Variants in ZNF383 observed in about 807,000 individuals in gnomAD.
ZNF383 encodes zinc finger protein 383.
ZNF383 carries 32 observed loss-of-function variants against 44.2 expected under a neutral mutation model. That is an observed-to-expected ratio of 0.72 (90% confidence interval 0.55 to 0.97). The LOEUF (loss-of-function observed/expected upper bound fraction) is 0.97. ZNF383 is among the 50% of genes least tolerant of loss of function. ZNF383 has a pLI of 0.00. For synonymous variants in ZNF383, 155 were observed against 186.2 expected (o/e 0.83, Z 1.36); for missense variants, 487 against 562.5 (o/e 0.87, Z 1.36).
At chr19:37,229,805 T>A (rs868413845) in intron 2 of ZNF383, among the ~76,000 whole-genome samples, 8,823 of 103,308 alleles carry the variant, frequency 0.085, 498 homozygotes, top group African/African-American at 0.22. Context: ...TATATATATT[T>A]TTTTTTTTTT....
Position 37,242,504 on chromosome 19 carries a change from C to A in ZNF383, c.268C>A (p.Leu90Ile). The A allele has an allele frequency of 6.2e-7, 1 of 1,609,586 alleles. No individual in the cohort carries two copies. Among genetic ancestry groups the A allele is most frequent in the South Asian group, 1.1e-5 (1 of 90,194 alleles). Residue 90 changes from leucine to isoleucine, a missense_variant, in exon 6 of 6, where the codon CTA becomes ATA. Leu to Ile is a conservative substitution (Grantham distance 5, BLOSUM62 2). Transcript: ENST00000684119. ...GATGTGTGAAACCAAGTTATTATCT[C>A]TAAAGAAGGAAGTTTATGAAATAGA... ...ESMCETKLLS[L>I]KKEVYEIELC... is the part of the protein sequence containing the mutation.
intron 2 of ZNF383, among the ~76,000 whole-genome samples, chr19:37,229,770 G>GTA (rs1400945980): frequency 7.5e-6 from 1 of 132,920 alleles, no homozygotes; most frequent in East Asian, 2.1e-4. Context: ...GTGTATATAT[G>GTA]TATATATATG....
chr19:37,233,942 G>A (rs904666271), intron 3 of ZNF383, among the ~76,000 whole-genome samples: 2 of 151,634 alleles, frequency 1.3e-5, no homozygotes, highest in African/African-American at 2.4e-5. Flanking sequence ...TCTGCTCACT[G>A]CAACCTCCAC....
At chr19:37,222,921 AG>A (rs919349087) in intron 1 of ZNF383, among the ~76,000 whole-genome samples, 2 of 152,340 alleles carry the variant, frequency 1.3e-5, no homozygotes, top group African/African-American at 4.8e-5. Context: ...TCCAAACTGC[AG>A]TGTAGACTTT....
intron 2 of ZNF383, among the ~76,000 whole-genome samples, chr19:37,228,537 G>A (rs1024112474): frequency 3.3e-5 from 5 of 151,624 alleles, no homozygotes; most frequent in African/African-American, 7.3e-5. Context: ...GTGGCTTGCC[G>A]CCCAGAGTAT....
intron 1 of ZNF383, among the ~76,000 whole-genome samples, chr19:37,222,401 A>T (rs1245493607): frequency 6.6e-6 from 1 of 152,066 alleles, no homozygotes; most frequent in African/African-American, 2.4e-5. Context: ...TTTTTGAGAC[A>T]GTTTCGCTCT....
rs1599784434 is a variant in ZNF383 at position 37,227,118 on chromosome 19, T to G, written c.-46+2179T>G. Reference sequence around the variant, plus strand: ...CACTGCACCCAGCCAGGCTTTTTTTTTTTTTTTTTTTTTGAGACAGAGCTT... The same window carrying G: ...CACTGCACCCAGCCAGGCTTTTTTTGTTTTTTTTTTTTTGAGACAGAGCTT... On this transcript the variant is annotated intron_variant, in intron 2 of 5. Transcript: ENST00000684119. Among the ~76,000 whole-genome samples, 6 of 140,364 alleles carry G rather than the reference T, an allele frequency of 4.3e-5. No individual in the cohort carries two copies. The Admixed American group carries it at 4.3e-4, about 10-fold the overall frequency. The allele number at this position is 140,364 out of a possible 152,430, so 92.1% of individuals were successfully genotyped here.
At chr19:37,238,567 G>A (rs935356036) in intron 5 of ZNF383, among the ~76,000 whole-genome samples, 1 of 152,048 alleles carries the variant, frequency 6.6e-6, no homozygotes, top group African/African-American at 2.4e-5. Context: ...TCAGGCAAAG[G>A]GAACAGGAAG....
At position 37,242,944 on chromosome 19, in the gene ZNF383, T is replaced by G. The variant is rs1255593881; in HGVS notation, c.708T>G (p.Ser236Arg). The change falls in exon 6 of 6, where the codon AGT becomes AGG. Residue 236 changes from serine (S) to arginine (R), a missense_variant. By Grantham distance (110) the Ser-to-Arg change is moderately radical. Transcript: ENST00000684119. ...FECKECGKAF[S>R]CSSYLSQHQR... is the part of the protein sequence containing the mutation. The stretch of plus-strand genomic sequence containing the variant: ...GTAAGGAATGTGGAAAGGCCTTCAG[T>G]TGTAGCTCATACCTTTCTCAACATC... 9 of 1,614,132 alleles carry G rather than the reference T, an allele frequency of 5.6e-6. No homozygotes were observed. Among genetic ancestry groups the G allele is most frequent in the Non-Finnish European group, 7.6e-6 (9 of 1,180,022 alleles).
chr19:37,241,542 A>T (rs1318361173), intron 5 of ZNF383, among the ~76,000 whole-genome samples: 4 of 152,062 alleles, frequency 2.6e-5, no homozygotes, highest in Non-Finnish European at 5.9e-5. Context: ...CAGCATTTTT[A>T]TTGAGGTTTT....
intron 5 of ZNF383, among the ~76,000 whole-genome samples, chr19:37,238,980 T>C (rs1175545931): frequency 6.6e-6 from 1 of 152,194 alleles, no homozygotes. Flanking sequence ...AGTGCAGTGG[T>C]GTGATCTCAG....
rs1488555629 is a variant in ZNF383, at chr19:37,243,764, A to G, written c.*100A>G. ...GTTTTTTTTAAAACTTTGTATTTAAATTTTGTATCCAAATGTATTTCATTC... is the reference window on the plus strand; with the variant it reads ...GTTTTTTTTAAAACTTTGTATTTAAGTTTTGTATCCAAATGTATTTCATTC... On this transcript the variant is annotated 3_prime_UTR_variant, in exon 6 of 6. Transcript: ENST00000684119. 2.5e-6 allele frequency: 2 copies of G among 793,612 alleles called. No homozygotes were observed. The highest frequency in any genetic ancestry group is 3.7e-6 in the Non-Finnish European group (2 of 534,372). The allele number at this position is 793,612 out of a possible 1,614,324, so 49.2% of individuals were successfully genotyped here. A position where few individuals can be genotyped will look rare whatever the true frequency, so the allele number is the denominator to read the frequency against.
chr19:37,219,936 A>G (rs1972838193), intron 1 of ZNF383, among the ~76,000 whole-genome samples: 1 of 152,144 alleles, frequency 6.6e-6, no homozygotes, highest in Admixed American at 6.5e-5. Context: ...AGAAAATAGA[A>G]CAGTTTTCCC....
chr19:37,232,345 G>A (rs1366177335), intron 3 of ZNF383, among the ~76,000 whole-genome samples: 1 of 152,116 alleles, frequency 6.6e-6, no homozygotes, highest in Non-Finnish European at 1.5e-5. Context: ...TGGGATTACA[G>A]GTGTGAGCCA....
rs751437714 is a variant in ZNF383 at position 37,242,781 on chromosome 19, A to T, written c.545A>T (p.Asn182Ile). ...CKKCGKAFSQNSQFIQHQRIH... is the reference protein window; with the variant it reads ...CKKCGKAFSQISQFIQHQRIH... ...AAATGTGGAAAGGCCTTTAGTCAGA[A>T]CTCACAATTTATTCAACATCAGAGA... is the stretch of plus-strand genomic sequence containing the variant. The change falls in exon 6 of 6, where the codon AAC becomes ATC. Residue 182 changes from asparagine to isoleucine, a missense_variant. Transcript: ENST00000684119. 6.2e-7 allele frequency: 1 copy of T among 1,614,076 alleles called. No homozygotes were observed. The highest frequency in any genetic ancestry group is 1.3e-5 in the African/African-American group (1 of 75,022).
At chr19:37,236,491 A>G (rs1188027205) in intron 5 of ZNF383, among the ~76,000 whole-genome samples, 1 of 151,468 alleles carries the variant, frequency 6.6e-6, no homozygotes, top group African/African-American at 2.4e-5. Flanking sequence ...GGGCTTAGGC[A>G]GTCTCCCTGC....
intron 1 of ZNF383, among the ~76,000 whole-genome samples, chr19:37,224,613 T>G (rs979795010): frequency 1.3e-5 from 2 of 151,778 alleles, no homozygotes; most frequent in African/African-American, 4.8e-5. Context: ...AGTGCAGTGG[T>G]GCAGTCACAG....
chr19:37,235,204 C>T (rs1192426170), intron 3 of ZNF383, among the ~76,000 whole-genome samples: 2 of 150,596 alleles, frequency 1.3e-5, no homozygotes, highest in East Asian at 2.0e-4. Context: ...ACCCAGGAGG[C>T]GGAGGTTGCG....
rs763479108 is a variant in ZNF383 at position 37,243,246 on chromosome 19, C to G, written c.1010C>G (p.Pro337Arg). 25 of 1,613,922 alleles carry G rather than the reference C, an allele frequency of 1.5e-5. No homozygotes were observed. Among genetic ancestry groups the G allele is most frequent in the Non-Finnish European group, 2.0e-5 (24 of 1,179,956 alleles). Residue 337 changes from proline to arginine, a missense_variant, in exon 6 of 6, where the codon CCC becomes CGC. Pro to Arg is a moderately radical substitution (Grantham distance 103). Transcript: ENST00000684119. ...CAGAGAATTCATACTGGTGAGAAAC[C>G]CTATGAGTGCAAGGAATGTGGCAAA... ...QHQRIHTGEK[P>R]YECKECGKAF...
Sources: gnomAD v4.1 joint callset for allele counts (sites outside exome capture counted in the v4.1 genomes callset) on GRCh38, gnomAD v4.1.1 for gene constraint, MANE v1.5 for transcripts, NCBI Gene and HGNC (gene_info 2026-07-23, HGNC 2026-07-21) for gene names.